ODAD2: variants seen among roughly 807,000 people sequenced by gnomAD.
ODAD2 encodes outer dynein arm-docking complex subunit 2.
ODAD2 carries 89 observed loss-of-function variants against 106.8 expected under a neutral mutation model. The ratio of observed to expected loss-of-function variants is 0.83; its 90% CI spans 0.70 to 0.99. The LOEUF is 0.99. Among genes scored for constraint, ODAD2 ranks in the 50% least tolerant of loss-of-function variants. The pLI, the probability that ODAD2 is intolerant of heterozygous loss-of-function variation, is 0.00. For synonymous variants in ODAD2, 404 were observed against 436.2 expected (o/e 0.93, Z 0.92); for missense variants, 1,168 against 1,238.5 (o/e 0.94, Z 0.85).
chr10:27,870,388 G>A (rs1840773830), intron 17 of ODAD2, among the ~76,000 whole-genome samples: 1 of 151,862 alleles, frequency 6.6e-6, no homozygotes, highest in Admixed American at 6.6e-5. Flanking sequence ...AAGTTCTAGG[G>A]TACATGTGCT....
At chr10:27,946,966 A>G (rs1846978599) in intron 10 of ODAD2, among the ~76,000 whole-genome samples, 1 of 152,158 alleles carries the variant, frequency 6.6e-6, no homozygotes, top group Non-Finnish European at 1.5e-5. Flanking sequence ...GTCACTGACA[A>G]TTTCCATTTC....
chr10:27,861,420 C>T (rs748953101), intron 18 of ODAD2, among the ~76,000 whole-genome samples: 3 of 152,196 alleles, frequency 2.0e-5, no homozygotes, highest in Non-Finnish European at 4.4e-5. Flanking sequence ...TAGCTCAAGG[C>T]TAGATTTTCT....
intron 19 of ODAD2, among the ~76,000 whole-genome samples, chr10:27,849,004 A>G (rs1839030100): frequency 6.6e-6 from 1 of 152,190 alleles, no homozygotes; most frequent in African/African-American, 2.4e-5. Context: ...TGATTCCTCA[A>G]GGATCTAGAA....
At position 27,833,639 on chromosome 10, in the gene ODAD2, A is replaced by C. The variant is rs148093755; in HGVS notation, c.3022-21014T>G. 2.9e-4 allele frequency among the ~76,000 whole-genome samples: 44 copies of C among 152,330 alleles called. 1 individual carries two copies. The East Asian group carries it at 8.3e-3, about 29-fold the overall frequency. Reference sequence around the variant, plus strand: ...ATTATGGTTATGTGTGGGACAAAAAATTGGGGAAAATAGTTCATTGCTTCA... The same window carrying C: ...ATTATGGTTATGTGTGGGACAAAAACTTGGGGAAAATAGTTCATTGCTTCA... On this transcript the variant is annotated intron_variant, in intron 19 of 19. Transcript: ENST00000305242.
At chr10:27,960,099 TAA>T (rs1848019500) in intron 10 of ODAD2, among the ~76,000 whole-genome samples, 1 of 151,950 alleles carries the variant, frequency 6.6e-6, no homozygotes, top group Admixed American at 6.6e-5. Context: ...AATGAAATTT[TAA>T]AACTCACAAA....
At chr10:27,913,000 T>G (rs142724516) in intron 16 of ODAD2, among the ~76,000 whole-genome samples, 1 of 152,170 alleles carries the variant, frequency 6.6e-6, no homozygotes, top group Non-Finnish European at 1.5e-5. Context: ...GATAAGTATG[T>G]CAGAAATTCT....
intron 17 of ODAD2, among the ~76,000 whole-genome samples, chr10:27,888,675 C>G (rs1047307641): frequency 3.3e-5 from 5 of 152,056 alleles, no homozygotes; most frequent in African/African-American, 1.2e-4. Flanking sequence ...TTAATTAATT[C>G]TCATTTGTCT....
intron 7 of ODAD2, among the ~76,000 whole-genome samples, chr10:27,973,754 C>T (rs986552686): frequency 6.6e-6 from 1 of 152,120 alleles, no homozygotes; most frequent in Non-Finnish European, 1.5e-5. Flanking sequence ...CATATGTGTG[C>T]ATGTGTCTTT....
chr10:27,852,676 C>T lies in ODAD2; in HGVS notation c.3021+7949G>A, dbSNP rs1050718947. ...ACAAGATGGTACATTTAAAGCTAAC[C>T]GTGGCCGGGCACAGTGGCTCACGCC... is the stretch of plus-strand genomic sequence containing the variant. On this transcript the variant is annotated intron_variant, in intron 19 of 19. Coordinates refer to ENST00000305242, the MANE Select transcript of ODAD2 (RefSeq NM_018076.5). Among the ~76,000 whole-genome samples the T allele has an allele frequency of 2.6e-5, 4 of 152,036 alleles. No individual in the cohort carries two copies. The East Asian group carries it at 5.8e-4, about 22-fold the overall frequency.
intron 17 of ODAD2, among the ~76,000 whole-genome samples, chr10:27,899,423 T>G (rs1216035968): frequency 6.6e-6 from 1 of 152,000 alleles, no homozygotes; most frequent in East Asian, 1.9e-4. Context: ...CAGGAGTGTT[T>G]TTTTCATACC....
chr10:27,929,763 AAAG>A (rs750587404), intron 16 of ODAD2, among the ~76,000 whole-genome samples: 1 of 152,318 alleles, frequency 6.6e-6, no homozygotes, highest in South Asian at 2.1e-4. Flanking sequence ...TGTGTCATTA[AAAG>A]AAGATGCAGA....
chr10:27,963,486 G>A (rs1848281802), intron 9 of ODAD2, among the ~76,000 whole-genome samples: 1 of 152,114 alleles, frequency 6.6e-6, no homozygotes, highest in African/African-American at 2.4e-5. Context: ...ACATATTAAG[G>A]TGTCCTTAAA....
chr10:27,885,687 TAATATATAA>T (rs1564466089), intron 17 of ODAD2, among the ~76,000 whole-genome samples: 3 of 61,210 alleles, frequency 4.9e-5, no homozygotes, highest in East Asian at 5.1e-4. Flanking sequence ...ATATAATATA[TAATATATAA>T]TATATATAAA....
Position 27,944,856 on chromosome 10 carries a change from A to G in ODAD2, c.1493T>C (p.Val498Ala), listed in dbSNP as rs2132635881. Residue 498 changes from valine to alanine, a missense_variant, in exon 11 of 20, where the codon GTG becomes GCG. This residue lies in a region of ODAD2 where 701 missense variants were observed against 712.3 expected (regional missense o/e 0.98). Coordinates refer to ENST00000305242, the MANE Select transcript of ODAD2 (RefSeq NM_018076.5). ...LAIRDVGGLE[V>A]LINLLETDEV... ...ATCGGTTTCAAGCAAATTTATCAGCACTTCCAGGCCTCCAACATCTCTGAT... is the reference window on the plus strand; with the variant it reads ...ATCGGTTTCAAGCAAATTTATCAGCGCTTCCAGGCCTCCAACATCTCTGAT... The G allele has an allele frequency of 6.2e-7, 1 of 1,614,162 alleles. No homozygotes were observed. The highest frequency in any genetic ancestry group is 2.2e-5 in the East Asian group (1 of 44,866).
At chr10:27,990,240 T>C (rs1850141435) in intron 2 of ODAD2, among the ~76,000 whole-genome samples, 1 of 152,126 alleles carries the variant, frequency 6.6e-6, no homozygotes, top group South Asian at 2.1e-4. Flanking sequence ...CTCGAACTCC[T>C]GGGCTCAAGG....
chr10:27,940,281 CCAGT>C, intron 13 of ODAD2, among the ~76,000 whole-genome samples: 1 of 145,342 alleles, frequency 6.9e-6, no homozygotes, highest in African/African-American at 2.7e-5. Context: ...TATATAAATG[CCAGT>C]ATATATGTGT....
chr10:27,982,447 C>A (rs531092262), intron 6 of ODAD2, among the ~76,000 whole-genome samples: 30 of 152,228 alleles, frequency 2.0e-4, no homozygotes, highest in Admixed American at 1.5e-3. Context: ...TCCAGAAGGT[C>A]AAAGAAAATC....
intron 17 of ODAD2, among the ~76,000 whole-genome samples, chr10:27,906,125 G>C (rs1391227569): frequency 6.6e-6 from 1 of 152,120 alleles, no homozygotes; most frequent in African/African-American, 2.4e-5. Context: ...ATCTGACAAA[G>C]GGCTGATATC....
At chr10:27,956,207 CT>C (rs1847722734) in intron 10 of ODAD2, among the ~76,000 whole-genome samples, 1 of 152,186 alleles carries the variant, frequency 6.6e-6, no homozygotes, top group Admixed American at 6.5e-5. Context: ...CCCATTGTCA[CT>C]GTTTTCTCAT....
Sources: allele counts gnomAD v4.1 joint callset (sites outside exome capture counted in the v4.1 genomes callset), GRCh38; gene constraint gnomAD v4.1.1; regional missense constraint gnomAD v4.1.1; transcripts MANE v1.5; gene names NCBI Gene and HGNC (gene_info 2026-07-23, HGNC 2026-07-21).